The following PDZRN3 variants were observed in gnomAD, a reference collection of about 807,000 sequenced individuals.
PDZRN3 encodes E3 ubiquitin-protein ligase PDZRN3.
In PDZRN3, 38 loss-of-function variants were observed where a neutral mutation model predicts 85.7. That is an observed-to-expected ratio of 0.44 (90% confidence interval 0.34 to 0.58). PDZRN3 has a LOEUF of 0.58. Among genes scored for constraint, PDZRN3 ranks in the 20% least tolerant of loss-of-function variants. The pLI, the probability that PDZRN3 is intolerant of heterozygous loss-of-function variation, is 0.01. For synonymous variants in PDZRN3, 759 were observed against 638.0 expected, an observed-to-expected ratio of 1.19 and a Z score of -2.86; for missense variants, 1,629 against 1,506.4, an observed-to-expected ratio of 1.08 and a Z score of -1.35.
intron 3 of PDZRN3, among the ~76,000 whole-genome samples, chr3:73,491,860 C>T (rs1263037075): frequency 1.3e-5 from 2 of 152,118 alleles, no homozygotes; most frequent in African/African-American, 4.8e-5. Flanking sequence ...CTCAGCCTTC[C>T]AAAGCATTGG....
intron 3 of PDZRN3, among the ~76,000 whole-genome samples, chr3:73,471,951 C>T (rs537731938): frequency 3.9e-5 from 6 of 152,272 alleles, no homozygotes; most frequent in Admixed American, 6.5e-5. Context: ...ACCTGAAATG[C>T]GGGTAGACAG....
At chr3:73,406,446 G>A (rs1701856031) in intron 3 of PDZRN3, among the ~76,000 whole-genome samples, 2 of 152,264 alleles carry the variant, frequency 1.3e-5, no homozygotes, top group Non-Finnish European at 1.5e-5. Flanking sequence ...TTAAATGTGT[G>A]ACACCAAGAG....
intron 4 of PDZRN3, among the ~76,000 whole-genome samples, chr3:73,403,314 G>A (rs1273904741): frequency 6.6e-6 from 1 of 152,146 alleles, no homozygotes; most frequent in Non-Finnish European, 1.5e-5. Context: ...CACAGAAAGT[G>A]TCTTGCTCTT....
At chr3:73,538,031 G>C (rs923876020) in intron 3 of PDZRN3, among the ~76,000 whole-genome samples, 4 of 152,154 alleles carry the variant, frequency 2.6e-5, no homozygotes, top group African/African-American at 9.7e-5. Flanking sequence ...GGACCAAAAT[G>C]ACTCTTTATG....
chr3:73,390,019 C>CACAGAAATAAACAA, intron 6 of PDZRN3, 141 bp from the exon 7 acceptor site: 1 of 691,656 alleles, frequency 1.4e-6, no homozygotes. Flanking sequence ...GACTTAGTGT[C>CACAGAAATAAACAA]GTGCAAGGAG....
At chr3:73,448,863 C>G (rs2106837472) in intron 3 of PDZRN3, among the ~76,000 whole-genome samples, 1 of 152,290 alleles carries the variant, frequency 6.6e-6, no homozygotes. Context: ...GCACGAAAGT[C>G]AGGACAGGCA....
At chr3:73,517,857 T>C (rs1156557419) in intron 3 of PDZRN3, among the ~76,000 whole-genome samples, 4 of 152,246 alleles carry the variant, frequency 2.6e-5, no homozygotes, top group Non-Finnish European at 5.9e-5. Flanking sequence ...GTTTCTTTGA[T>C]GTGGGATACC....
intron 3 of PDZRN3, among the ~76,000 whole-genome samples, chr3:73,597,676 G>A (rs1702451305): frequency 6.7e-6 from 1 of 150,114 alleles, no homozygotes; most frequent in Non-Finnish European, 1.5e-5. Context: ...GCCTCTACAA[G>A]TCTTTGAGAA....
chr3:73,536,066 GGAATGTAACTGTAATTTCTTTCTTTA>G (rs1181620622), intron 3 of PDZRN3, among the ~76,000 whole-genome samples: 2 of 152,134 alleles, frequency 1.3e-5, no homozygotes, highest in Non-Finnish European at 2.9e-5. Context: ...ACAATACCAA[GGAATGTAACTGTAATTTCTTTCTTTA>G]GAATGTAACC....
intron 3 of PDZRN3, among the ~76,000 whole-genome samples, chr3:73,543,002 C>G (rs751548964): frequency 2.6e-5 from 4 of 152,152 alleles, no homozygotes; most frequent in Non-Finnish European, 5.9e-5. Flanking sequence ...CTGGACACTC[C>G]ACACTCTATT....
chr3:73,512,510 T>C (rs960464178), intron 3 of PDZRN3, among the ~76,000 whole-genome samples: 1 of 152,084 alleles, frequency 6.6e-6, no homozygotes, highest in African/African-American at 2.4e-5. Context: ...TAGCGTCATA[T>C]GGGAATTTTA....
intron 3 of PDZRN3, among the ~76,000 whole-genome samples, chr3:73,437,555 G>C (rs987289905): frequency 6.6e-6 from 1 of 152,184 alleles, no homozygotes; most frequent in African/African-American, 2.4e-5. Flanking sequence ...TGGTGTCTAA[G>C]AGCCTCACAC....
chr3:73,534,004 A>AT (rs1373248278), intron 3 of PDZRN3, among the ~76,000 whole-genome samples: 1 of 151,704 alleles, frequency 6.6e-6, no homozygotes, highest in Non-Finnish European at 1.5e-5. Flanking sequence ...GGCAGTTATT[A>AT]TTTTCTATTT....
intron 3 of PDZRN3, among the ~76,000 whole-genome samples, chr3:73,544,581 A>G (rs935177041): frequency 9.2e-5 from 14 of 152,138 alleles, no homozygotes; most frequent in African/African-American, 3.1e-4. Context: ...TGGTGTTATT[A>G]TATTTGAATG....
At chr3:73,576,477 G>A (rs527426761) in intron 3 of PDZRN3, among the ~76,000 whole-genome samples, 36 of 152,176 alleles carry the variant, frequency 2.4e-4, no homozygotes, top group African/African-American at 8.2e-4. Context: ...CTTTAGCAGG[G>A]ACTTTACATG....
intron 3 of PDZRN3, among the ~76,000 whole-genome samples, chr3:73,544,210 A>G (rs1418355659): frequency 6.6e-6 from 1 of 152,238 alleles, no homozygotes; most frequent in Non-Finnish European, 1.5e-5. Context: ...TGTCTCAAAA[A>G]CAAAGGAACT....
intron 3 of PDZRN3, among the ~76,000 whole-genome samples, chr3:73,581,969 ACGTGCC>A (rs1258252582): frequency 6.9e-5 from 9 of 129,558 alleles, no homozygotes; most frequent in Non-Finnish European, 1.2e-4. Flanking sequence ...GTGTGGTGGC[ACGTGCC>A]TGTGGTACCA....
chr3:73,565,582 C>T (rs1420017859), intron 3 of PDZRN3, among the ~76,000 whole-genome samples: 2 of 152,040 alleles, frequency 1.3e-5, no homozygotes, highest in Non-Finnish European at 2.9e-5. Context: ...TTTCACCTTC[C>T]ACTACGCCCT....
chr3:73,563,968 C>T (rs552877313), intron 3 of PDZRN3, among the ~76,000 whole-genome samples: 23 of 152,262 alleles, frequency 1.5e-4, no homozygotes, highest in African/African-American at 5.1e-4. Context: ...TAATTATTAC[C>T]ATGAACATGC....
Sources: allele counts gnomAD v4.1 joint callset (sites outside exome capture counted in the v4.1 genomes callset), GRCh38; gene constraint gnomAD v4.1.1; transcripts MANE v1.5; gene names NCBI Gene and HGNC (gene_info 2026-07-23, HGNC 2026-07-21).